The following NKAIN2 variants were observed in gnomAD, a reference collection of about 807,000 sequenced individuals.
NKAIN2 encodes sodium/potassium transporting ATPase interacting 2, also known as sodium/potassium-transporting ATPase subunit beta-1-interacting protein 2.
Under a neutral mutation model 32.6 loss-of-function variants are expected in NKAIN2, and 14 were observed. The ratio of observed to expected loss-of-function variants is 0.43; its 90% CI spans 0.28 to 0.67. NKAIN2 has a LOEUF of 0.67. Among genes scored for constraint, NKAIN2 ranks in the 30% least tolerant of loss-of-function variants. The probability of loss-of-function intolerance (pLI) is 0.17; values close to 1 mark genes in which losing one functional copy is unlikely to be tolerated. For missense variants in NKAIN2, 198 were observed against 258.3 expected (o/e 0.77, Z 1.60); for synonymous variants, 80 against 87.2 (o/e 0.92, Z 0.46).
At chr6:124,481,944 A>T (rs1346047575) in intron 3 of NKAIN2, among the ~76,000 whole-genome samples, 1 of 152,208 alleles carries the variant, frequency 6.6e-6, no homozygotes, top group Non-Finnish European at 1.5e-5. Flanking sequence ...AAACAAATGT[A>T]TGTATGACTG....
intron 1 of NKAIN2, among the ~76,000 whole-genome samples, chr6:124,039,006 C>G (rs1404954000): frequency 1.3e-5 from 2 of 152,000 alleles, no homozygotes; most frequent in Non-Finnish European, 1.5e-5. Context: ...TTATCAGGAG[C>G]CTTTTAATTC....
intron 1 of NKAIN2, among the ~76,000 whole-genome samples, chr6:124,021,757 C>T (rs1166761975): frequency 1.3e-5 from 2 of 151,694 alleles, no homozygotes; most frequent in African/African-American, 4.8e-5. Context: ...TAGATATGGG[C>T]CTTTGGGGCA....
intron 1 of NKAIN2, among the ~76,000 whole-genome samples, chr6:124,055,888 C>G (rs966281683): frequency 2.0e-5 from 3 of 151,976 alleles, no homozygotes; most frequent in African/African-American, 7.2e-5. Flanking sequence ...AACTACATGA[C>G]CAGATGTGGT....
chr6:124,100,029 CT>C (rs1784808322), intron 1 of NKAIN2, among the ~76,000 whole-genome samples: 1 of 152,156 alleles, frequency 6.6e-6, no homozygotes, highest in South Asian at 2.1e-4. Flanking sequence ...GACCTTCATT[CT>C]TGTGATTGGA....
intron 1 of NKAIN2, among the ~76,000 whole-genome samples, chr6:123,859,135 T>C (rs976913348): frequency 1.3e-5 from 2 of 152,172 alleles, no homozygotes; most frequent in Non-Finnish European, 2.9e-5. Context: ...GACTACACAA[T>C]TAGCTCCTTT....
At chr6:123,983,120 T>C (rs1003023451) in intron 1 of NKAIN2, among the ~76,000 whole-genome samples, 14 of 152,084 alleles carry the variant, frequency 9.2e-5, no homozygotes, top group Non-Finnish European at 1.8e-4. Context: ...CTATTAACTA[T>C]GACAGGGAAC....
chr6:123,918,148 A>G (rs1488291810), intron 1 of NKAIN2, among the ~76,000 whole-genome samples: 1 of 152,186 alleles, frequency 6.6e-6, no homozygotes. Context: ...CTCCAGAGAC[A>G]TATTGTTAGC....
intron 1 of NKAIN2, among the ~76,000 whole-genome samples, chr6:123,885,259 A>G (rs1239959369): frequency 6.6e-6 from 1 of 152,106 alleles, no homozygotes; most frequent in African/African-American, 2.4e-5. Context: ...CTGCAAGGAC[A>G]GTTGGCCCCT....
intron 3 of NKAIN2, among the ~76,000 whole-genome samples, chr6:124,579,104 T>C (rs528620943): frequency 6.6e-6 from 1 of 152,244 alleles, no homozygotes; most frequent in South Asian, 2.1e-4. Flanking sequence ...CAAATCCCTA[T>C]GAATACCTGG....
At chr6:124,559,833 CA>C (rs1780619520) in intron 3 of NKAIN2, among the ~76,000 whole-genome samples, 2 of 51,738 alleles carry the variant, frequency 3.9e-5, no homozygotes, top group African/African-American at 1.3e-4. Context: ...AGAAATAAAC[CA>C]TTTTTTTTTT....
rs1393703576 is a variant in NKAIN2 at position 124,047,446 on chromosome 6, C to CTA, written c.55-235558_55-235557insAT. On this transcript the variant is annotated intron_variant, in intron 1 of 6. Transcript: ENST00000368417. ...AGGGAAATTTACTTTCTCTCTCTCT[C>CTA]TCTATATATATATAGTTAAATAGCA... Among the ~76,000 whole-genome samples, 593 of 149,278 alleles carry CTA rather than the reference C, an allele frequency of 4.0e-3. 3 individuals are homozygous for CTA. Among genetic ancestry groups the CTA allele is most frequent in the African/African-American group, 0.014 (574 of 40,140 alleles).
At chr6:124,188,171 G>C (rs1789839181) in intron 1 of NKAIN2, among the ~76,000 whole-genome samples, 1 of 152,162 alleles carries the variant, frequency 6.6e-6, no homozygotes, top group Non-Finnish European at 1.5e-5. Context: ...CACTTTGCCT[G>C]AATTTGGTCC....
At chr6:124,505,711 C>G (rs1239463198) in intron 3 of NKAIN2, among the ~76,000 whole-genome samples, 2 of 152,126 alleles carry the variant, frequency 1.3e-5, no homozygotes, top group Non-Finnish European at 2.9e-5. Context: ...TTTGGGTCCT[C>G]TTTTCATCCA....
At chr6:124,184,476 A>T (rs1374861190) in intron 1 of NKAIN2, among the ~76,000 whole-genome samples, 5 of 152,026 alleles carry the variant, frequency 3.3e-5, no homozygotes, top group Non-Finnish European at 5.9e-5. Flanking sequence ...TTGGCACTGT[A>T]CTCACCACCA....
intron 1 of NKAIN2, among the ~76,000 whole-genome samples, chr6:123,821,872 G>T (rs180866500): frequency 3.3e-5 from 5 of 152,274 alleles, no homozygotes; most frequent in East Asian, 3.9e-4. Context: ...AGTAGCAGGG[G>T]ATGGATTATC....
intron 3 of NKAIN2, among the ~76,000 whole-genome samples, chr6:124,625,700 C>CTTTA (rs144587539): frequency 1.4e-3 from 178 of 122,842 alleles, no homozygotes; most frequent in African/African-American, 4.4e-3. Context: ...GCTGAAGATG[C>CTTTA]TTTATTTATT....
At chr6:124,124,954 A>G (rs1174740094) in intron 1 of NKAIN2, among the ~76,000 whole-genome samples, 2 of 152,190 alleles carry the variant, frequency 1.3e-5, no homozygotes, top group Non-Finnish European at 2.9e-5. Flanking sequence ...ATAGGTAAAT[A>G]TGAACTTGAA....
chr6:124,120,799 A>G (rs1025010663), intron 1 of NKAIN2, among the ~76,000 whole-genome samples: 2 of 152,110 alleles, frequency 1.3e-5, no homozygotes, highest in African/African-American at 2.4e-5. Flanking sequence ...CGTTAGATTT[A>G]TTTTGTATTT....
intron 4 of NKAIN2, among the ~76,000 whole-genome samples, chr6:124,725,180 C>A (rs993858774): frequency 1.1e-4 from 16 of 152,154 alleles, no homozygotes; most frequent in African/African-American, 2.7e-4. Context: ...ACTTCTCATG[C>A]CCTCTATCAC....
Sources: gnomAD v4.1 joint callset for allele counts (sites outside exome capture counted in the v4.1 genomes callset) on GRCh38, gnomAD v4.1.1 for gene constraint, MANE v1.5 for transcripts, NCBI Gene and HGNC (gene_info 2026-07-23, HGNC 2026-07-21) for gene names.